The following GNA14 variants were observed in gnomAD, a reference collection of about 807,000 sequenced individuals.
GNA14 encodes the protein G protein subunit alpha 14.
A neutral mutation model predicts 42.0 loss-of-function variants in GNA14; 50 were observed. That is an observed-to-expected ratio of 1.19 (90% CI 0.95 to 1.51). GNA14 has a LOEUF of 1.51. Among genes scored for constraint, GNA14 ranks in the 40% most tolerant of loss-of-function variants. The pLI is 0.00. For missense variants in GNA14, 473 were observed against 446.2 expected (o/e 1.06, Z -0.54); for synonymous variants, 173 against 163.1 (o/e 1.06, Z -0.46).
At chr9:77,510,338 C>G (rs1367484211) in intron 2 of GNA14, among the ~76,000 whole-genome samples, 3 of 152,052 alleles carry the variant, frequency 2.0e-5, no homozygotes, top group Non-Finnish European at 2.9e-5. Context: ...ACGTTGCACA[C>G]TTTATTTTAT....
At chr9:77,487,018 TAAAA>T (rs35749481) in intron 2 of GNA14, among the ~76,000 whole-genome samples, 68 of 144,704 alleles carry the variant, frequency 4.7e-4, no homozygotes, top group African/African-American at 1.7e-3. Flanking sequence ...TTCAATTTGT[TAAAA>T]AAAAAAAAAA....
chr9:77,545,599 T>C (rs953365857), intron 1 of GNA14, among the ~76,000 whole-genome samples: 1 of 152,102 alleles, frequency 6.6e-6, no homozygotes, highest in African/African-American at 2.4e-5. Context: ...CAGCAGGATA[T>C]TGGAAACATA....
At chr9:77,624,953 C>T (rs1823990063) in intron 1 of GNA14, among the ~76,000 whole-genome samples, 2 of 151,774 alleles carry the variant, frequency 1.3e-5, no homozygotes, top group African/African-American at 4.8e-5. Flanking sequence ...ATAACAAACT[C>T]CTCCGAGCTA....
intron 1 of GNA14, among the ~76,000 whole-genome samples, chr9:77,615,058 C>G (rs1354543985): frequency 2.0e-5 from 3 of 152,190 alleles, no homozygotes; most frequent in African/African-American, 7.2e-5. Flanking sequence ...TTGCTTTTCT[C>G]TTTACCCACA....
chr9:77,539,776 T>C (rs1837637415), intron 1 of GNA14, among the ~76,000 whole-genome samples: 1 of 152,204 alleles, frequency 6.6e-6, no homozygotes, highest in Non-Finnish European at 1.5e-5. Context: ...CCATTTCCTC[T>C]AGGTTTTCAG....
At chr9:77,456,034 TAAA>T (rs750760105) in intron 2 of GNA14, among the ~76,000 whole-genome samples, 6 of 152,126 alleles carry the variant, frequency 3.9e-5, no homozygotes, top group Non-Finnish European at 5.9e-5. Flanking sequence ...AAAAATGAAA[TAAA>T]ATAATAATAA....
chr9:77,618,595 TATATATATATATATATATA>T (rs1823860872), intron 1 of GNA14, among the ~76,000 whole-genome samples: 2 of 13,008 alleles, frequency 1.5e-4, no homozygotes, highest in South Asian at 1.9e-3. Flanking sequence ...TATATATATA[TATATATATATATATATATA>T]TATATATTTT....
chr9:77,612,113 G>A (rs1564066347), intron 1 of GNA14, among the ~76,000 whole-genome samples: 1 of 151,980 alleles, frequency 6.6e-6, no homozygotes, highest in Non-Finnish European at 1.5e-5. Context: ...TCTATTATTT[G>A]GTTTTACAAA....
intron 2 of GNA14, chr9:77,517,588 T>TTC (rs1837278110): frequency 3.2e-5 from 4 of 126,892 alleles, no homozygotes; most frequent in African/African-American, 1.3e-4. Flanking sequence ...CCTGGTACTT[T>TTC]TCTTTTTTTT....
At chr9:77,491,760 A>T (rs187441521) in intron 2 of GNA14, among the ~76,000 whole-genome samples, 1 of 152,348 alleles carries the variant, frequency 6.6e-6, no homozygotes, top group African/African-American at 2.4e-5. Flanking sequence ...GATCATGCAG[A>T]CAGAAAATCA....
At chr9:77,539,437 A>G (rs752153500) in intron 1 of GNA14, among the ~76,000 whole-genome samples, 6 of 152,066 alleles carry the variant, frequency 3.9e-5, no homozygotes, top group Non-Finnish European at 7.4e-5. Context: ...TTTTGCACCT[A>G]TGTTCATCAG....
At chr9:77,485,591 A>G (rs1836644947) in intron 2 of GNA14, among the ~76,000 whole-genome samples, 1 of 152,198 alleles carries the variant, frequency 6.6e-6, no homozygotes, top group East Asian at 1.9e-4. Flanking sequence ...AGAAGTCACT[A>G]TCTATGACAG....
chr9:77,486,422 T>C (rs755220211), intron 2 of GNA14, among the ~76,000 whole-genome samples: 9 of 152,244 alleles, frequency 5.9e-5, no homozygotes, highest in Non-Finnish European at 8.8e-5. Context: ...TTTCTCCATA[T>C]CAGCAATAAG....
intron 2 of GNA14, among the ~76,000 whole-genome samples, chr9:77,460,023 C>T (rs967682624): frequency 2.0e-5 from 3 of 152,174 alleles, no homozygotes; most frequent in African/African-American, 7.2e-5. Context: ...CTGCTTTGGT[C>T]TCCCTGTTCT....
At chr9:77,552,999 A>G (rs936498773) in intron 1 of GNA14, among the ~76,000 whole-genome samples, 1 of 152,212 alleles carries the variant, frequency 6.6e-6, no homozygotes, top group Admixed American at 6.5e-5. Context: ...AATATGAATG[A>G]GGATCACTCC....
chr9:77,630,112 G>GTT (rs138576637), intron 1 of GNA14, among the ~76,000 whole-genome samples: 7 of 139,736 alleles, frequency 5.0e-5, no homozygotes, highest in Non-Finnish European at 8.0e-5. Flanking sequence ...TTTGTTTTTT[G>GTT]TTTTTTTTTT....
chr9:77,493,211 C>A (rs1836815991), intron 2 of GNA14, among the ~76,000 whole-genome samples: 1 of 151,446 alleles, frequency 6.6e-6, no homozygotes, highest in South Asian at 2.1e-4. Flanking sequence ...AAAGTCTTAT[C>A]TCTACTAGAA....
chr9:77,569,894 A>G (rs35658321), intron 1 of GNA14, among the ~76,000 whole-genome samples: 4 of 151,526 alleles, frequency 2.6e-5, no homozygotes, highest in African/African-American at 9.7e-5. Flanking sequence ...AGCCTCCCCA[A>G]CAGCTGGGAT....
chr9:77,489,918 A>G (rs1268132879), intron 2 of GNA14, among the ~76,000 whole-genome samples: 2 of 152,098 alleles, frequency 1.3e-5, no homozygotes, highest in African/African-American at 4.8e-5. Context: ...GCAGGTTGCC[A>G]CTGGCAGCCT....
Sources: gnomAD v4.1 joint callset for allele counts (sites outside exome capture counted in the v4.1 genomes callset) on GRCh38, gnomAD v4.1.1 for gene constraint, MANE v1.5 for transcripts, NCBI Gene and HGNC (gene_info 2026-07-23, HGNC 2026-07-21) for gene names.